KCNQ5: variants seen among roughly 807,000 people sequenced by gnomAD.
KCNQ5 encodes potassium voltage-gated channel subfamily Q member 5, also known as potassium voltage-gated channel subfamily KQT member 5.
In KCNQ5, 30 loss-of-function variants were observed where a neutral mutation model predicts 98.2. The ratio of observed to expected loss-of-function variants is 0.31; its 90% CI spans 0.23 to 0.41. The LOEUF is 0.41. Among genes scored for constraint, KCNQ5 ranks in the 10% least tolerant of loss-of-function variants. The pLI is 1.00. For synonymous variants in KCNQ5, 458 were observed against 449.4 expected (o/e 1.02, Z -0.24); for missense variants, 835 against 1,182.5 (o/e 0.71, Z 4.31).
intron 8 of KCNQ5, among the ~76,000 whole-genome samples, chr6:73,121,199 C>A (rs1248964880): frequency 6.6e-6 from 1 of 152,024 alleles, no homozygotes; most frequent in Non-Finnish European, 1.5e-5. Context: ...TTTCATTGGC[C>A]AAAGTAAATC....
At position 73,144,963 on chromosome 6, in the gene KCNQ5, G is replaced by A. The variant is rs577590121; in HGVS notation, c.1468+11322G>A. Among the ~76,000 whole-genome samples, 8 of 152,326 alleles carry A rather than the reference G, an allele frequency of 5.3e-5. No homozygotes were observed. The East Asian group carries it at 1.5e-3, about 29-fold the overall frequency. On this transcript the variant is annotated intron_variant, in intron 10 of 13. Transcript: ENST00000370398. Reference sequence around the variant, plus strand: ...TGGCAAGGACAGCCCACATGCAAGAGACAGAGAAAGAGATTCCACCTCTTC... The same window carrying A: ...TGGCAAGGACAGCCCACATGCAAGAAACAGAGAAAGAGATTCCACCTCTTC...
chr6:72,624,468 A>G (rs1355661965), intron 1 of KCNQ5, among the ~76,000 whole-genome samples: 1 of 152,184 alleles, frequency 6.6e-6, no homozygotes, highest in African/African-American at 2.4e-5. Flanking sequence ...CATACTTTGC[A>G]TCTCCTAACT....
intron 1 of KCNQ5, among the ~76,000 whole-genome samples, chr6:72,708,700 T>A (rs1198546669): frequency 6.6e-6 from 1 of 152,120 alleles, no homozygotes; most frequent in Non-Finnish European, 1.5e-5. Flanking sequence ...TTTTGTATTT[T>A]TTGTAGAGAC....
At chr6:72,672,546 T>G (rs1225290075) in intron 1 of KCNQ5, among the ~76,000 whole-genome samples, 1 of 152,212 alleles carries the variant, frequency 6.6e-6, no homozygotes, top group Non-Finnish European at 1.5e-5. Context: ...ATATAAGTTT[T>G]GGTGTCAGAA....
intron 10 of KCNQ5, chr6:73,135,301 A>T (rs1265784092): frequency 6.6e-6 from 1 of 151,998 alleles, no homozygotes; most frequent in Non-Finnish European, 1.5e-5. Flanking sequence ...GAGTGGTGAG[A>T]TCACAGTTAT....
At chr6:72,655,411 A>G (rs1233847687) in intron 1 of KCNQ5, among the ~76,000 whole-genome samples, 1 of 152,126 alleles carries the variant, frequency 6.6e-6, no homozygotes, top group Non-Finnish European at 1.5e-5. Flanking sequence ...TCTGTCCATC[A>G]CAGTGAGACA....
chr6:73,148,556 T>A (rs943160324), intron 10 of KCNQ5, among the ~76,000 whole-genome samples: 1 of 152,240 alleles, frequency 6.6e-6, no homozygotes, highest in African/African-American at 2.4e-5. Context: ...ATTATTTTGA[T>A]TGAATCTCCC....
chr6:73,099,279 A>G (rs924596348), intron 5 of KCNQ5, among the ~76,000 whole-genome samples: 1 of 152,160 alleles, frequency 6.6e-6, no homozygotes, highest in Non-Finnish European at 1.5e-5. Context: ...GAAAACAAAT[A>G]ACAAAATGGC....
chr6:73,035,323 G>A (rs1211675514), intron 2 of KCNQ5, among the ~76,000 whole-genome samples: 2 of 152,158 alleles, frequency 1.3e-5, no homozygotes, highest in Non-Finnish European at 2.9e-5. Context: ...TCCAAGCCAA[G>A]CTTCTAGGGG....
At chr6:73,104,138 C>G (rs989264132) in intron 5 of KCNQ5, among the ~76,000 whole-genome samples, 8 of 151,680 alleles carry the variant, frequency 5.3e-5, no homozygotes, top group African/African-American at 1.5e-4. Context: ...AAAAGGCATC[C>G]AAATAAGAAA....
intron 1 of KCNQ5, among the ~76,000 whole-genome samples, chr6:72,845,374 C>G (rs929079104): frequency 1.3e-5 from 2 of 152,124 alleles, no homozygotes; most frequent in African/African-American, 4.8e-5. Flanking sequence ...TAGAAGAGAT[C>G]TTTTTAGAAC....
chr6:72,983,258 A>T lies in KCNQ5; in HGVS notation c.399-20650A>T, dbSNP rs4419637. On this transcript the variant is annotated intron_variant, in intron 1 of 13. Coordinates refer to ENST00000370398, the MANE Select transcript of KCNQ5 (RefSeq NM_019842.4). ...GGAAGTTCTCCTGGATAATATCCTG[A>T]AGAGTGTTTTCCAACTTGGTTCCAT... Among the ~76,000 whole-genome samples the T allele has an allele frequency of 3.3e-5, 5 of 152,052 alleles. No homozygotes were observed. The South Asian group carries it at 1.0e-3, about 31-fold the overall frequency.
intron 1 of KCNQ5, among the ~76,000 whole-genome samples, chr6:72,632,242 A>G (rs2098921340): frequency 6.9e-6 from 1 of 144,112 alleles, no homozygotes; most frequent in Non-Finnish European, 1.5e-5. Context: ...GGTTCACACC[A>G]TTCTCCCGCC....
At chr6:72,933,875 G>T (rs929633643) in intron 1 of KCNQ5, among the ~76,000 whole-genome samples, 1 of 152,044 alleles carries the variant, frequency 6.6e-6, no homozygotes, top group East Asian at 1.9e-4. Flanking sequence ...TTTAGGCAAG[G>T]TCCCTGATCT....
intron 11 of KCNQ5, among the ~76,000 whole-genome samples, chr6:73,183,431 AC>A (rs1363912659): frequency 1.3e-5 from 2 of 152,154 alleles, no homozygotes; most frequent in East Asian, 3.8e-4. Context: ...ACTCTTGGAG[AC>A]CCACTCAACA....
chr6:72,868,123 TC>T (rs147880490), intron 1 of KCNQ5, among the ~76,000 whole-genome samples: 3,927 of 152,156 alleles, frequency 0.026, 58 homozygotes, highest in Middle Eastern at 0.054. Flanking sequence ...CACCAGGACT[TC>T]CAGACAAGGA....
Position 73,042,072 on chromosome 6 carries a change from A to G in KCNQ5, c.616+10A>G, listed in dbSNP as rs1161237175. ...CCCTTCTGTGTTATAGGTGAATATC[A>G]GAGTCTCAGATACCTGGACTATGAC... On this transcript the variant is annotated intron_variant, in intron 3 of 13. Coordinates refer to ENST00000370398, the MANE Select transcript of KCNQ5 (RefSeq NM_019842.4). 25 of 1,613,690 alleles carry G rather than the reference A, an allele frequency of 1.5e-5. No homozygotes were observed. Among genetic ancestry groups the G allele is most frequent in the Non-Finnish European group, 2.1e-5 (25 of 1,179,608 alleles).
At chr6:72,845,878 A>G (rs1776997915) in intron 1 of KCNQ5, among the ~76,000 whole-genome samples, 1 of 152,180 alleles carries the variant, frequency 6.6e-6, no homozygotes, top group South Asian at 2.1e-4. Flanking sequence ...TGACAGCTGC[A>G]TTTATGGAAT....
intron 1 of KCNQ5, among the ~76,000 whole-genome samples, chr6:72,932,773 TTA>T (rs919438503): frequency 2.6e-5 from 4 of 152,196 alleles, no homozygotes; most frequent in African/African-American, 9.7e-5. Flanking sequence ...CCTGCATAAA[TTA>T]TATGTGGTAT....
Sources: allele counts gnomAD v4.1 joint callset (sites outside exome capture counted in the v4.1 genomes callset), GRCh38; gene constraint gnomAD v4.1.1; transcripts MANE v1.5; gene names NCBI Gene and HGNC (gene_info 2026-07-23, HGNC 2026-07-21).